The following PDE10A variants were observed in gnomAD, a reference collection of about 807,000 sequenced individuals.
PDE10A encodes phosphodiesterase 10A.
PDE10A carries 39 observed loss-of-function variants against 97.7 expected under a neutral mutation model. The ratio of observed to expected loss-of-function variants is 0.40; its 90% CI spans 0.31 to 0.52. PDE10A has a LOEUF of 0.52. Ranked by LOEUF, PDE10A falls within the 20% of genes least tolerant of loss-of-function variation. The probability of loss-of-function intolerance (pLI) is 0.56; values close to 1 mark genes in which losing one functional copy is unlikely to be tolerated. For missense variants in PDE10A, 731 were observed against 1,047.8 expected, an observed-to-expected ratio of 0.70 and a Z score of 4.17; for synonymous variants, 371 against 376.8, an observed-to-expected ratio of 0.98 and a Z score of 0.18.
At chr6:165,558,228 G>C (rs1784354013) in intron 1 of PDE10A, among the ~76,000 whole-genome samples, 1 of 152,156 alleles carries the variant, frequency 6.6e-6, no homozygotes, top group South Asian at 2.1e-4. Flanking sequence ...TGACAGACTG[G>C]ATAAAGAAAA....
intron 1 of PDE10A, among the ~76,000 whole-genome samples, chr6:165,918,475 G>A (rs920226764): frequency 1.3e-5 from 2 of 152,126 alleles, no homozygotes; most frequent in East Asian, 1.9e-4. Context: ...AAGTTGTGCC[G>A]GAAATCCTTC....
chr6:165,388,595 A>C lies in PDE10A; in HGVS notation c.2455-142T>G. ...TTCTGGCATAAAGAATCCTATACAA[A>C]TAGAGCAAACCCTTAGGAATCTTGG... On this transcript the variant is annotated intron_variant, in intron 16 of 21. Transcript: ENST00000539869. The surrounding 1 kb of genome is among the most constrained non-coding windows in gnomAD (Gnocchi z 4.0). The C allele has an allele frequency of 1.4e-6, 1 of 711,168 alleles. No individual in the cohort carries two copies. Among genetic ancestry groups the C allele is most frequent in the Non-Finnish European group, 2.4e-6 (1 of 419,648 alleles). The allele number at this position is 711,168 out of a possible 1,614,324, so 44.1% of individuals were successfully genotyped here.
At chr6:165,584,427 T>A (rs1261840078) in intron 1 of PDE10A, among the ~76,000 whole-genome samples, 1 of 152,106 alleles carries the variant, frequency 6.6e-6, no homozygotes, top group African/African-American at 2.4e-5. Context: ...AACAGGCCCA[T>A]AAAGACGCAG....
intron 1 of PDE10A, among the ~76,000 whole-genome samples, chr6:165,987,225 G>T (rs933499211): frequency 1.3e-5 from 2 of 152,150 alleles, no homozygotes; most frequent in Non-Finnish European, 2.9e-5. Context: ...CGTTAGCCCC[G>T]AGGCTGTCAG....
At chr6:165,339,402 T>C in intron 19 of PDE10A, 44 bp from the exon 20 acceptor site, 1 of 1,103,092 alleles carries the variant, frequency 9.1e-7, no homozygotes, top group East Asian at 2.4e-5. Context: ...AAATTTCAAA[T>C]TGCTATACTA....
intron 1 of PDE10A, among the ~76,000 whole-genome samples, chr6:165,563,869 C>T (rs1784644525): frequency 1.4e-5 from 2 of 147,408 alleles, no homozygotes; most frequent in Admixed American, 6.8e-5. Context: ...CCAGTCTGGG[C>T]GACAGAGGGA....
intron 13 of PDE10A, among the ~76,000 whole-genome samples, chr6:165,400,483 T>C (rs549896615): frequency 6.6e-6 from 1 of 152,236 alleles, no homozygotes; most frequent in African/African-American, 2.4e-5. Context: ...TATAAAGAGC[T>C]ACTAAAAATC....
rs1269058393 is a variant in PDE10A, at chr6:165,494,636, C to T, written c.995-12293G>A. Among the ~76,000 whole-genome samples the T allele has an allele frequency of 3.3e-5, 5 of 151,628 alleles. No homozygotes were observed. The East Asian group carries it at 9.7e-4, about 29-fold the overall frequency. On this transcript the variant is annotated intron_variant, in intron 2 of 21. Coordinates refer to ENST00000539869, the MANE Select transcript of PDE10A (RefSeq NM_001385079.1). ...ATATTGAAAACCACATTTTGCATTC[C>T]AAATTCTAAATTGTGATTTTCATAT...
intron 1 of PDE10A, among the ~76,000 whole-genome samples, chr6:165,563,780 A>G (rs1784640065): frequency 6.6e-6 from 1 of 152,008 alleles, no homozygotes; most frequent in Non-Finnish European, 1.5e-5. Flanking sequence ...GATCCCAGCT[A>G]CTTGGGAGGC....
intron 1 of PDE10A, among the ~76,000 whole-genome samples, chr6:165,613,228 G>A (rs1038258113): frequency 1.3e-5 from 2 of 151,934 alleles, no homozygotes; most frequent in Non-Finnish European, 2.9e-5. Context: ...ATGTGTTCAG[G>A]TTTTTTTAAT....
chr6:165,403,574 C>T (rs915402298), intron 13 of PDE10A, among the ~76,000 whole-genome samples: 47 of 152,106 alleles, frequency 3.1e-4, no homozygotes, highest in African/African-American at 1.1e-3. Context: ...GCACTCTTTT[C>T]CCCTATTTAA....
At chr6:165,450,912 T>C (rs1183408008) in intron 3 of PDE10A, among the ~76,000 whole-genome samples, 1 of 152,218 alleles carries the variant, frequency 6.6e-6, no homozygotes, top group Non-Finnish European at 1.5e-5. Flanking sequence ...AGCCTATATA[T>C]ATTAAAATAG....
chr6:165,665,340 G>T (rs1269320748), upstream of PDE10A, among the ~76,000 whole-genome samples: 10 of 152,224 alleles, frequency 6.6e-5, no homozygotes, highest in Non-Finnish European at 1.0e-4. Context: ...TCAGGTGGCT[G>T]CTGCGCCTGG....
intron 13 of PDE10A, among the ~76,000 whole-genome samples, chr6:165,397,161 C>T (rs890098901): frequency 6.6e-6 from 1 of 152,008 alleles, no homozygotes; most frequent in African/African-American, 2.4e-5. Flanking sequence ...TATCTGTGTG[C>T]AAATGTTTTA....
chr6:165,509,461 A>G (rs1292302354), intron 2 of PDE10A, among the ~76,000 whole-genome samples: 2 of 151,996 alleles, frequency 1.3e-5, no homozygotes, highest in African/African-American at 2.4e-5. Flanking sequence ...TTATAGCAAT[A>G]CCATGCTGTC....
intron 1 of PDE10A, among the ~76,000 whole-genome samples, chr6:165,616,488 G>A (rs1305544405): frequency 2.0e-5 from 3 of 152,140 alleles, no homozygotes; most frequent in Non-Finnish European, 4.4e-5. Flanking sequence ...TAGGCCTACA[G>A]CCTGAAGGAA....
At chr6:165,829,107 G>GCCC (rs1237499305) in intron 1 of PDE10A, among the ~76,000 whole-genome samples, 1 of 152,162 alleles carries the variant, frequency 6.6e-6, no homozygotes, top group Non-Finnish European at 1.5e-5. Flanking sequence ...GTAAGAAATG[G>GCCC]CCCCAGCTTC....
chr6:165,612,770 C>T (rs1288068536), intron 1 of PDE10A, among the ~76,000 whole-genome samples: 1 of 152,190 alleles, frequency 6.6e-6, no homozygotes, highest in African/African-American at 2.4e-5. Flanking sequence ...ACTGTCTCGC[C>T]TCACCACATA....
At chr6:165,941,184 CA>C (rs1315139672) in intron 1 of PDE10A, among the ~76,000 whole-genome samples, 1 of 152,246 alleles carries the variant, frequency 6.6e-6, no homozygotes, top group East Asian at 1.9e-4. Flanking sequence ...TTACACACCC[CA>C]TAGGGTTGTT....
Sources: gnomAD v4.1 joint callset for allele counts (sites outside exome capture counted in the v4.1 genomes callset) on GRCh38, gnomAD v4.1.1 for gene constraint, Gnocchi (gnomAD v3.1) non-coding constraint, MANE v1.5 for transcripts, NCBI Gene and HGNC (gene_info 2026-07-23, HGNC 2026-07-21) for gene names.